Variants in ALG1L2 observed in about 807,000 individuals in gnomAD.
The protein encoded by ALG1L2 is putative glycosyltransferase ALG1L2.
Under a neutral mutation model 29.0 loss-of-function variants are expected in ALG1L2, and 32 were observed. The observed-to-expected ratio is 1.10, with a 90% CI of 0.83 to 1.48. The LOEUF is 1.48. Ranked by LOEUF, ALG1L2 falls within the 40% of genes most tolerant of loss-of-function variation. The pLI is 0.00. For missense variants in ALG1L2, 318 were observed against 274.1 expected (o/e 1.16, Z -1.13); for synonymous variants, 110 against 109.5 (o/e 1.00, Z -0.03).
In ALG1L2 at chr3:130,092,206, C is replaced by G; in HGVS notation, c.237C>G (p.Ser79Arg). 6.2e-7 allele frequency: 1 copy of G among 1,611,096 alleles called. No individual in the cohort carries two copies. Among genetic ancestry groups the G allele is most frequent in the South Asian group, 1.1e-5 (1 of 90,780 alleles). The change falls in exon 3 of 8, where the codon AGC (serine) becomes AGG (arginine). Residue 79 changes from serine (S) to arginine (R), a missense_variant. Ser to Arg is a moderately radical substitution (Grantham distance 110, BLOSUM62 -1). Coordinates refer to ENST00000425059, the MANE Select transcript of ALG1L2 (RefSeq NM_001136152.1). ...ACGAGCGGCCAGCCCTGCTGGTCAG[C>G]AGCACAAGCTGGACAGGTCTGCATG... ...RLHERPALLV[S>R]STSWTEFEQL...
intron 4 of ALG1L2, chr3:130,093,991 C>T (rs1464607208): frequency 7.2e-6 from 2 of 277,016 alleles, no homozygotes; most frequent in Non-Finnish European, 1.4e-5. Context: ...GCGCCATGTG[C>T]TCTGGGGGCT....
In ALG1L2 at chr3:130,091,355, T is replaced by A. The variant is rs1214435026; in HGVS notation, c.115T>A (p.Ser39Thr). Residue 39 changes from serine to threonine, a missense_variant, in exon 2 of 8, where the codon TCT becomes ACT. Physicochemically the swap from Ser to Thr is moderately conservative, Grantham distance 58. Transcript: ENST00000425059. ...RLFMKLGSTHSPFRARSEPED... is the reference protein window; with the variant it reads ...RLFMKLGSTHTPFRARSEPED... The stretch of plus-strand genomic sequence containing the variant: ...CTTCATGAAGCTGGGCAGCACGCAC[T>A]CTCCGTTCAGGGCCCGGTAGGCCTC... 1 of 1,597,190 alleles carries A rather than the reference T, an allele frequency of 6.3e-7. No individual in the cohort carries two copies.
At chr3:130,091,228 T>A (rs1411727043) in intron 1 of ALG1L2, 33 bp from the exon 2 acceptor site, 1 of 1,587,698 alleles carries the variant, frequency 6.3e-7, no homozygotes, top group African/African-American at 1.3e-5. Flanking sequence ...CATGCTGGAC[T>A]AATGCAATAG....
chr3:130,082,268 GAGA>G (rs1283185748), intron 1 of ALG1L2, among the ~76,000 whole-genome samples: 1 of 139,398 alleles, frequency 7.2e-6, no homozygotes, highest in African/African-American at 2.5e-5. Context: ...GTCCCGAGCT[GAGA>G]GGGACCCCGA....
intron 5 of ALG1L2, among the ~76,000 whole-genome samples, 174 bp downstream of exon 5, chr3:130,094,687 T>G (rs1401777269): frequency 6.6e-6 from 1 of 152,212 alleles, no homozygotes; most frequent in Non-Finnish European, 1.5e-5. Context: ...AGCCCCTCCC[T>G]GCCAGGTGGC....
At chr3:130,096,993 A>AC (rs113418003) in intron 6 of ALG1L2, among the ~76,000 whole-genome samples, 182 bp from the exon 7 acceptor site, 1,718 of 151,258 alleles carry the variant, frequency 0.011, 28 homozygotes, top group African/African-American at 0.038. Context: ...TTTGATGTGC[A>AC]CCCCCCCCAG....
intron 2 of ALG1L2, chr3:130,091,879 A>G (rs1935021486): frequency 2.5e-6 from 2 of 786,626 alleles, no homozygotes; most frequent in Non-Finnish European, 4.3e-6. Context: ...TGTGGAGAAA[A>G]GGAATTAGTC....
chr3:130,090,334 G>A (rs1378052097), intron 1 of ALG1L2, among the ~76,000 whole-genome samples: 13 of 152,294 alleles, frequency 8.5e-5, no homozygotes, highest in African/African-American at 4.8e-5. Flanking sequence ...CAGCCTGGGC[G>A]ACAGAGGGAG....
At position 130,081,966 on chromosome 3, in the gene ALG1L2, G is replaced by A. The variant is rs1175911378; in HGVS notation, c.-51G>A. The A allele has an allele frequency of 5.6e-6, 8 of 1,434,746 alleles. No individual in the cohort carries two copies. Among genetic ancestry groups the A allele is most frequent in the Non-Finnish European group, 7.7e-6 (8 of 1,042,806 alleles). The allele number at this position is 1,434,746 out of a possible 1,614,324, so 88.9% of individuals were successfully genotyped here. A position where few individuals can be genotyped will look rare whatever the true frequency, so the allele number is the denominator to read the frequency against. ...GGGTGTGAGGCTGTCACAGAGGCTG[G>A]AGAAATAAGCAGTTCCTTGCTAAGA... On this transcript the variant is annotated 5_prime_UTR_variant, in exon 1 of 8. Transcript: ENST00000425059.
intron 1 of ALG1L2, among the ~76,000 whole-genome samples, chr3:130,086,685 AG>A (rs1934896699): frequency 7.3e-6 from 1 of 136,846 alleles, no homozygotes; most frequent in African/African-American, 2.5e-5. Context: ...TCTAAAAGTA[AG>A]AGAAGAGAAG....
At chr3:130,082,697 G>A (rs140752357) in intron 1 of ALG1L2, among the ~76,000 whole-genome samples, 108 of 148,878 alleles carry the variant, frequency 7.3e-4, no homozygotes, top group African/African-American at 2.4e-3. Flanking sequence ...GTGGGCAGAC[G>A]AGACACCAAC....
chr3:130,088,048 G>T (rs1473695555), intron 1 of ALG1L2, among the ~76,000 whole-genome samples: 2 of 152,308 alleles, frequency 1.3e-5, no homozygotes, highest in Non-Finnish European at 2.9e-5. Flanking sequence ...ATGTCTGCTT[G>T]TTTTGAGATC....
At chr3:130,083,145 G>C in intron 1 of ALG1L2, among the ~76,000 whole-genome samples, 1 of 139,446 alleles carries the variant, frequency 7.2e-6, no homozygotes, top group Non-Finnish European at 1.6e-5. Context: ...GTGAAAAAGT[G>C]AAATAAAAAC....
At chr3:130,087,943 T>C (rs1934926574) in intron 1 of ALG1L2, among the ~76,000 whole-genome samples, 1 of 152,282 alleles carries the variant, frequency 6.6e-6, no homozygotes, top group African/African-American at 2.4e-5. Context: ...CCCAAGGTCA[T>C]TCTAGTGTGA....
chr3:130,092,473 T>C (rs1363235390), intron 3 of ALG1L2, among the ~76,000 whole-genome samples: 3 of 152,192 alleles, frequency 2.0e-5, no homozygotes, highest in African/African-American at 7.2e-5. Flanking sequence ...TGAGGAGCTC[T>C]GGGCTCGTCG....
intron 3 of ALG1L2, 69 bp downstream of exon 3, chr3:130,092,291 C>T: frequency 1.9e-6 from 3 of 1,585,628 alleles, no homozygotes; most frequent in Non-Finnish European, 2.6e-6. Flanking sequence ...TTCTCCTCAC[C>T]CCTGCCAGTC....
intron 1 of ALG1L2, among the ~76,000 whole-genome samples, chr3:130,090,372 A>G (rs1206831312): frequency 6.6e-6 from 1 of 152,304 alleles, no homozygotes; most frequent in Non-Finnish European, 1.5e-5. Flanking sequence ...AAAGAAAGAA[A>G]TAAAAATAAA....
intron 1 of ALG1L2, among the ~76,000 whole-genome samples, chr3:130,082,429 C>T (rs1934808154): frequency 7.5e-6 from 1 of 132,910 alleles, no homozygotes; most frequent in Admixed American, 7.8e-5. Context: ...CCTCCACCTC[C>T]CAGACTCAAG....
chr3:130,095,594 G>A (rs567264765), intron 5 of ALG1L2, among the ~76,000 whole-genome samples: 5 of 151,074 alleles, frequency 3.3e-5, no homozygotes, highest in Admixed American at 1.3e-4. Flanking sequence ...CTGCCATGAC[G>A]CTTCGCTAAT....
Sources: allele counts gnomAD v4.1 joint callset (sites outside exome capture counted in the v4.1 genomes callset), GRCh38; gene constraint gnomAD v4.1.1; transcripts MANE v1.5; gene names NCBI Gene and HGNC (gene_info 2026-07-23, HGNC 2026-07-21).